EPSTI1: variants seen among roughly 807,000 people sequenced by gnomAD.
EPSTI1 encodes the protein epithelial stromal interaction 1, also known as epithelial-stromal interaction protein 1.
A neutral mutation model predicts 49.9 loss-of-function variants in EPSTI1; 66 were observed. The ratio of observed to expected loss-of-function variants is 1.32; its 90% CI spans 1.08 to 1.62. The LOEUF (loss-of-function observed/expected upper bound fraction) is 1.62. Ranked by LOEUF, EPSTI1 falls within the 40% of genes most tolerant of loss-of-function variation. The pLI, the probability that EPSTI1 is intolerant of heterozygous loss-of-function variation, is 0.00. For missense variants in EPSTI1, 394 were observed against 365.5 expected (o/e 1.08, Z -0.64); for synonymous variants, 137 against 130.7 (o/e 1.05, Z -0.33).
intron 1 of EPSTI1, among the ~76,000 whole-genome samples, chr13:42,975,854 TAAAG>T (rs954348835): frequency 2.0e-5 from 3 of 152,050 alleles, no homozygotes; most frequent in African/African-American, 7.2e-5. Context: ...ACTAAAGATA[TAAAG>T]AGTGTATATG....
At chr13:42,889,318 G>T in intron 10 of EPSTI1, 1 of 893,392 alleles carries the variant, frequency 1.1e-6, no homozygotes, top group South Asian at 1.8e-5. Context: ...TAAGAAATAT[G>T]AGAAGACTGA....
At chr13:42,899,001 C>A (rs1440307863) in intron 9 of EPSTI1, among the ~76,000 whole-genome samples, 1 of 151,898 alleles carries the variant, frequency 6.6e-6, no homozygotes, top group Non-Finnish European at 1.5e-5. Flanking sequence ...AGTTCAAGAC[C>A]AGCCTGGCCA....
intron 7 of EPSTI1, among the ~76,000 whole-genome samples, chr13:42,921,409 C>G (rs1236465508): frequency 6.6e-6 from 1 of 152,050 alleles, no homozygotes; most frequent in African/African-American, 2.4e-5. Context: ...AGTATGAGAG[C>G]TGAATAAAGA....
intron 10 of EPSTI1, among the ~76,000 whole-genome samples, chr13:42,890,163 C>T (rs2036987518): frequency 6.6e-6 from 1 of 152,116 alleles, no homozygotes; most frequent in Non-Finnish European, 1.5e-5. Flanking sequence ...ACTCTCAGTT[C>T]TTTGCTTTGA....
chr13:42,938,318 C>T (rs1664393503), intron 6 of EPSTI1, among the ~76,000 whole-genome samples: 1 of 152,044 alleles, frequency 6.6e-6, no homozygotes, highest in African/African-American at 2.4e-5. Context: ...ATCTTTTCTT[C>T]TAAGCAGGTC....
chr13:42,955,318 G>A (rs565367247), intron 5 of EPSTI1, among the ~76,000 whole-genome samples: 69 of 152,118 alleles, frequency 4.5e-4, no homozygotes, highest in South Asian at 8.3e-4. Flanking sequence ...GACAGCAAGC[G>A]AGCAGTAAGT....
At position 42,895,119 on chromosome 13, in the gene EPSTI1, A is replaced by G. The variant is rs74346968; in HGVS notation, c.816-11T>C. ...AAAGCATTATTTACCCTTTAAAACAATGAAAAATGTGTGTGAGTAGAAAAC... is the reference window on the plus strand; with the variant it reads ...AAAGCATTATTTACCCTTTAAAACAGTGAAAAATGTGTGTGAGTAGAAAAC... On this transcript the variant is annotated splice_polypyrimidine_tract_variant and intron_variant, in intron 9 of 10. Transcript: ENST00000313624. The G allele has an allele frequency of 3.4e-4, 547 of 1,602,692 alleles. 12 individuals are homozygous for G. In the East Asian group the frequency reaches 0.012, roughly 36 times the overall value.
chr13:42,989,157 G>A (rs187876252), intron 1 of EPSTI1, among the ~76,000 whole-genome samples: 85 of 144,138 alleles, frequency 5.9e-4, no homozygotes, highest in Non-Finnish European at 1.0e-3. Context: ...CCCTGCGCCC[G>A]ACCACAAGTA....
intron 7 of EPSTI1, among the ~76,000 whole-genome samples, chr13:42,925,673 G>A (rs376783400): frequency 2.8e-4 from 43 of 152,190 alleles, no homozygotes; most frequent in African/African-American, 9.9e-4. Context: ...CTCTTCTTCC[G>A]CAACACAAGC....
At chr13:42,963,860 G>C (rs960026484) in intron 4 of EPSTI1, among the ~76,000 whole-genome samples, 13 of 152,138 alleles carry the variant, frequency 8.5e-5, no homozygotes, top group Non-Finnish European at 1.6e-4. Flanking sequence ...GGGTCATGCT[G>C]AGTGATAAAG....
At chr13:42,971,880 A>G (rs1017301180) in intron 1 of EPSTI1, among the ~76,000 whole-genome samples, 2 of 152,236 alleles carry the variant, frequency 1.3e-5, no homozygotes, top group Admixed American at 6.5e-5. Context: ...TACTTAATGT[A>G]TATCAGCAGA....
chr13:42,947,997 G>A (rs2038970194), intron 6 of EPSTI1, among the ~76,000 whole-genome samples: 2 of 152,188 alleles, frequency 1.3e-5, no homozygotes, highest in African/African-American at 4.8e-5. Flanking sequence ...TGGGTTTCAG[G>A]CCAACAGAGG....
chr13:42,971,021 C>T (rs377644352), intron 1 of EPSTI1, among the ~76,000 whole-genome samples: 9 of 152,136 alleles, frequency 5.9e-5, no homozygotes, highest in African/African-American at 1.2e-4. Flanking sequence ...GTGACCACAC[C>T]GGGGTACAGG....
intron 7 of EPSTI1, among the ~76,000 whole-genome samples, chr13:42,920,541 CAGAT>C (rs1387103772): frequency 6.6e-6 from 1 of 152,128 alleles, no homozygotes; most frequent in Non-Finnish European, 1.5e-5. Context: ...TTGAGGAAGA[CAGAT>C]GGATAATAGG....
At chr13:42,960,551 G>A (rs1297578021) in intron 5 of EPSTI1, among the ~76,000 whole-genome samples, 2 of 152,174 alleles carry the variant, frequency 1.3e-5, no homozygotes, top group Non-Finnish European at 2.9e-5. Context: ...AGTAGTATTA[G>A]TTTCCTATTG....
chr13:42,901,573 G>A (rs1449215902), intron 8 of EPSTI1, among the ~76,000 whole-genome samples: 4 of 152,064 alleles, frequency 2.6e-5, no homozygotes, highest in African/African-American at 9.7e-5. Flanking sequence ...TTATGCTCAA[G>A]TCTCACTCTT....
In EPSTI1 at chr13:42,920,294, A is replaced by G. The variant is rs113122229; in HGVS notation, c.658-2670T>C. On this transcript the variant is annotated intron_variant, in intron 7 of 10. Transcript: ENST00000313624. ...AGATGTTCCTGTTCCATTCTCCCCAAAATTACCCTAAACAAAGCAGAAAAT... is the reference window on the plus strand; with the variant it reads ...AGATGTTCCTGTTCCATTCTCCCCAGAATTACCCTAAACAAAGCAGAAAAT... 4.6e-5 allele frequency among the ~76,000 whole-genome samples: 7 copies of G among 152,264 alleles called. 2 individuals are homozygous for G. The highest frequency in any genetic ancestry group is 1.9e-4 in the East Asian group (1 of 5,184).
intron 1 of EPSTI1, chr13:42,991,022 A>G (rs752677537): frequency 6.6e-6 from 1 of 152,276 alleles, no homozygotes; most frequent in Non-Finnish European, 1.5e-5. Context: ...ACCAAAGACC[A>G]GGAATAAAAG....
At chr13:42,930,200 A>G (rs1459985626) in intron 6 of EPSTI1, among the ~76,000 whole-genome samples, 1 of 152,240 alleles carries the variant, frequency 6.6e-6, no homozygotes, top group Non-Finnish European at 1.5e-5. Context: ...AACTGTCTGT[A>G]TAAGTACAAT....
Sources: gnomAD v4.1 joint callset for allele counts (sites outside exome capture counted in the v4.1 genomes callset) on GRCh38, gnomAD v4.1.1 for gene constraint, MANE v1.5 for transcripts, NCBI Gene and HGNC (gene_info 2026-07-23, HGNC 2026-07-21) for gene names.